The following RXFP1 variants were observed in gnomAD, a reference collection of about 807,000 sequenced individuals.
RXFP1 encodes relaxin receptor 1.
Under a neutral mutation model 89.8 loss-of-function variants are expected in RXFP1, and 73 were observed. The observed-to-expected ratio is 0.81, with a 90% CI of 0.67 to 0.99. The LOEUF is 0.99. Ranked by LOEUF, RXFP1 falls within the 50% of genes least tolerant of loss-of-function variation. RXFP1 has a pLI of 0.00. For missense variants in RXFP1, 793 were observed against 895.5 expected (o/e 0.89, Z 1.46); for synonymous variants, 277 against 305.5 (o/e 0.91, Z 0.97).
chr4:158,616,374 A>T (rs1397442028), intron 8 of RXFP1, among the ~76,000 whole-genome samples: 1 of 152,024 alleles, frequency 6.6e-6, no homozygotes, highest in East Asian at 1.9e-4. Context: ...GGTTGCAGTG[A>T]GCCAAGATTG....
At position 158,566,776 on chromosome 4, in the gene RXFP1, C is replaced by T. The variant is rs184577639; in HGVS notation, c.50-5922C>T. Among the ~76,000 whole-genome samples the T allele has an allele frequency of 7.2e-4, 109 of 152,396 alleles. 1 individual carries two copies. Among genetic ancestry groups the T allele is most frequent in the Admixed American group, 7.0e-3 (107 of 15,310 alleles). ...ATTTCATGATACCGAGAGGTGACAG[C>T]GTGCTGGCAGCCCTTGCAGCCCTCG... On this transcript the variant is annotated intron_variant, in intron 1 of 17. Coordinates refer to ENST00000307765, the MANE Select transcript of RXFP1 (RefSeq NM_021634.4).
chr4:158,523,835 C>T (rs1321895740), intron 1 of RXFP1, among the ~76,000 whole-genome samples: 1 of 152,186 alleles, frequency 6.6e-6, no homozygotes, highest in African/African-American at 2.4e-5. Flanking sequence ...AATCAACAGC[C>T]ACACATAAGG....
intron 14 of RXFP1, among the ~76,000 whole-genome samples, chr4:158,643,520 G>A (rs1215135537): frequency 7.5e-6 from 1 of 132,750 alleles, no homozygotes; most frequent in Non-Finnish European, 1.5e-5. Context: ...ACCCAGGCTG[G>A]AGTGCAGTGG....
intron 9 of RXFP1, among the ~76,000 whole-genome samples, chr4:158,620,852 G>A (rs1284087630): frequency 6.6e-6 from 1 of 152,224 alleles, no homozygotes; most frequent in Non-Finnish European, 1.5e-5. Context: ...CGGGCATGGT[G>A]GCTCACACCT....
chr4:158,561,788 C>T (rs552104000), intron 1 of RXFP1, among the ~76,000 whole-genome samples: 2 of 151,610 alleles, frequency 1.3e-5, no homozygotes, highest in African/African-American at 2.4e-5. Context: ...CTACCATGCT[C>T]GGCTAATTTT....
intron 1 of RXFP1, among the ~76,000 whole-genome samples, chr4:158,565,646 C>T (rs1393589056): frequency 1.3e-5 from 2 of 152,174 alleles, no homozygotes. Context: ...AGAGTTCCTA[C>T]TGGTCCAATT....
At chr4:158,570,635 T>G (rs1218623418) in intron 1 of RXFP1, among the ~76,000 whole-genome samples, 1 of 152,050 alleles carries the variant, frequency 6.6e-6, no homozygotes. Flanking sequence ...ACTGCAAAGT[T>G]TCCTAATCAG....
chr4:158,532,088 C>T (rs902424760), intron 1 of RXFP1, among the ~76,000 whole-genome samples: 2 of 152,134 alleles, frequency 1.3e-5, no homozygotes, highest in African/African-American at 2.4e-5. Context: ...TCCCCCCCTC[C>T]TCCCCTTTTG....
rs73860527 is a variant in RXFP1 at position 158,568,992 on chromosome 4, G to A, written c.50-3706G>A. ...TTCCAAAGATTTACAAACTTGGTAA[G>A]GATAATGGGAGCATAACTGTACTGG... On this transcript the variant is annotated intron_variant, in intron 1 of 17. Transcript: ENST00000307765. Among the ~76,000 whole-genome samples, 623 of 152,270 alleles carry A rather than the reference G, an allele frequency of 4.1e-3. 7 individuals carry two copies. The highest frequency in any genetic ancestry group is 0.014 in the African/African-American group (596 of 41,552).
rs750128473 is a variant in RXFP1, at chr4:158,607,974, A to G, written c.467A>G (p.Tyr156Cys). 8 of 1,595,002 alleles carry G rather than the reference A, an allele frequency of 5.0e-6. No homozygotes were observed. The South Asian group carries it at 5.6e-5, about 11-fold the overall frequency. Residue 156 changes from tyrosine (Y) to cysteine (C), a missense_variant and splice_region_variant, in exon 6 of 18, where the codon TAC (tyrosine) becomes TGC (cysteine). Physicochemically the swap from Tyr to Cys is radical, Grantham distance 194. Coordinates refer to ENST00000307765, the MANE Select transcript of RXFP1 (RefSeq NM_021634.4). ...CTTTTTAATAATCATTTTCACAGGTACCTGCAAAACAATAAGATTACATCC... is the reference window on the plus strand; with the variant it reads ...CTTTTTAATAATCATTTTCACAGGTGCCTGCAAAACAATAAGATTACATCC... ...FKNYHDLQKL[Y>C]LQNNKITSIS...
chr4:158,608,317 T>C (rs1254525375), intron 6 of RXFP1, among the ~76,000 whole-genome samples: 2 of 120,652 alleles, frequency 1.7e-5, no homozygotes, highest in Admixed American at 1.0e-4. Flanking sequence ...TGAGACAGAG[T>C]CTCTCTGTCA....
intron 9 of RXFP1, among the ~76,000 whole-genome samples, chr4:158,617,513 C>T (rs1038143539): frequency 6.6e-6 from 1 of 151,694 alleles, no homozygotes; most frequent in Non-Finnish European, 1.5e-5. Flanking sequence ...CCCCCTTTCC[C>T]TGCTGGTATA....
In RXFP1 at chr4:158,635,480, C is replaced by A. The variant is rs192320732; in HGVS notation, c.971+2004C>A. On this transcript the variant is annotated intron_variant, in intron 12 of 17. Transcript: ENST00000307765. ...ACCTGTAAACAGAGATCATTTTTTT[C>A]TTCTTTTACAATTTGGATGCCTGCC... is the stretch of plus-strand genomic sequence containing the variant. 2.3e-4 allele frequency among the ~76,000 whole-genome samples: 35 copies of A among 152,048 alleles called. No individual in the cohort carries two copies. The East Asian group carries it at 6.8e-3, about 29-fold the overall frequency.
rs151308648 is a variant in RXFP1 at position 158,567,729 on chromosome 4, T to C, written c.50-4969T>C. ...AGAACTTTTGTGTCTAGCTCAGGGA[T>C]TGTAAACACACCAATCAGCACCCTG... On this transcript the variant is annotated intron_variant, in intron 1 of 17. Transcript: ENST00000307765. Among the ~76,000 whole-genome samples, 741 of 152,204 alleles carry C rather than the reference T, an allele frequency of 4.9e-3. 7 individuals are homozygous for C. The highest frequency in any genetic ancestry group is 0.017 in the African/African-American group (706 of 41,506).
intron 1 of RXFP1, among the ~76,000 whole-genome samples, chr4:158,548,228 C>T (rs1749063989): frequency 6.6e-6 from 1 of 152,124 alleles, no homozygotes; most frequent in Non-Finnish European, 1.5e-5. Context: ...CTCTTTTGAT[C>T]TTTGTTGGTT....
chr4:158,536,233 C>T (rs1745248293), intron 1 of RXFP1, among the ~76,000 whole-genome samples: 2 of 152,032 alleles, frequency 1.3e-5, no homozygotes, highest in South Asian at 2.1e-4. Context: ...TTTATAGGAC[C>T]GAGGCCTAAT....
At chr4:158,649,491 A>C (rs948751909) in intron 17 of RXFP1, among the ~76,000 whole-genome samples, 23 of 152,290 alleles carry the variant, frequency 1.5e-4, no homozygotes, top group African/African-American at 5.3e-4. Context: ...TCACGCCTGT[A>C]ATCTGGCACT....
rs184936397 is a variant in RXFP1 at position 158,577,656 on chromosome 4, A to G, written c.187+4821A>G. ...TCTGTCAAGCTATTTAAACCTTGAC[A>G]CTAATAATAATTATTAAAATGGAAA... On this transcript the variant is annotated intron_variant, in intron 2 of 17. Coordinates refer to ENST00000307765, the MANE Select transcript of RXFP1 (RefSeq NM_021634.4). 7.9e-5 allele frequency among the ~76,000 whole-genome samples: 12 copies of G among 152,284 alleles called. No individual in the cohort carries two copies. In the East Asian group the frequency reaches 1.9e-3, roughly 24 times the overall value.
chr4:158,605,224 A>G lies in RXFP1; in HGVS notation c.464+85A>G, dbSNP rs28394768. 3,800 of 681,278 alleles carry G rather than the reference A, an allele frequency of 5.6e-3. 117 individuals carry two copies. The African/African-American group carries it at 0.06, about 11-fold the overall frequency. 42.2% of individuals were successfully genotyped at this position (681,278 alleles called of 1,614,324 possible). ...TCTTCCTACTTCTGTGAACACCAAC[A>G]CTATTCCGCTGCTTGTGTCTAATCC... On this transcript the variant is annotated intron_variant, in intron 5 of 17. Transcript: ENST00000307765.
Sources: allele counts gnomAD v4.1 joint callset (sites outside exome capture counted in the v4.1 genomes callset), GRCh38; gene constraint gnomAD v4.1.1; transcripts MANE v1.5; gene names NCBI Gene and HGNC (gene_info 2026-07-23, HGNC 2026-07-21).